The following KYAT1 variants were observed in gnomAD, a reference collection of about 807,000 sequenced individuals.
The protein encoded by KYAT1 is kynurenine--oxoglutarate transaminase 1.
A neutral mutation model predicts 52.4 loss-of-function variants in KYAT1; 47 were observed. The ratio of observed to expected loss-of-function variants is 0.90; its 90% CI spans 0.71 to 1.14. The LOEUF (loss-of-function observed/expected upper bound fraction) is 1.14, where lower values mean the gene tolerates loss of function less well. Among genes scored for constraint, KYAT1 ranks in the 50% most tolerant of loss-of-function variants. The pLI is 0.00. For synonymous variants in KYAT1, 212 were observed against 209.6 expected (o/e 1.01, Z -0.10); for missense variants, 480 against 557.9 (o/e 0.86, Z 1.41).
At chr9:128,879,425 T>C (rs1303448163) in intron 1 of KYAT1, among the ~76,000 whole-genome samples, 1 of 152,186 alleles carries the variant, frequency 6.6e-6, no homozygotes, top group Non-Finnish European at 1.5e-5. Context: ...TGAAGGCTCC[T>C]GCATTCCTTT....
In KYAT1 at chr9:128,836,726, C is replaced by T. The variant is rs780056625; in HGVS notation, c.688+76G>A. The stretch of plus-strand genomic sequence containing the variant: ...TAACCCTGGGTTCTAACTACCAGGC[C>T]TGCGCTGACTCTCAGGTGGGGTCAA... On this transcript the variant is annotated intron_variant, in intron 7 of 12. Transcript: ENST00000302586. 6 of 1,544,794 alleles carry T rather than the reference C, an allele frequency of 3.9e-6. No homozygotes were observed. In the East Asian group the frequency reaches 1.3e-4, roughly 35 times the overall value.
chr9:128,863,661 G>A (rs1281114335), intron 1 of KYAT1, among the ~76,000 whole-genome samples: 2 of 152,140 alleles, frequency 1.3e-5, no homozygotes, highest in East Asian at 1.9e-4. Context: ...CAGGGGGCAC[G>A]TAGGCTGCCT....
Position 128,842,642 on chromosome 9 carries a change from G to C in KYAT1, c.201+12C>G, listed in dbSNP as rs1417542049. 1.2e-6 allele frequency: 2 copies of C among 1,611,896 alleles called. No homozygotes were observed. Among genetic ancestry groups the C allele is most frequent in the South Asian group, 2.2e-5 (2 of 90,892 alleles). On this transcript the variant is annotated intron_variant, in intron 3 of 12. Coordinates refer to ENST00000302586, the MANE Select transcript of KYAT1 (RefSeq NM_004059.5). Reference sequence around the variant, plus strand: ...CTCCCCCAGTGCCTCCACGAGAGATGGGGAGACTCACAAATGTCTTGGTGT... The same window carrying C: ...CTCCCCCAGTGCCTCCACGAGAGATCGGGAGACTCACAAATGTCTTGGTGT...
At chr9:128,871,593 T>G (rs2130795155) in intron 1 of KYAT1, among the ~76,000 whole-genome samples, 1 of 152,050 alleles carries the variant, frequency 6.6e-6, no homozygotes, top group Admixed American at 6.6e-5. Context: ...ATGCCTGTGG[T>G]CCCAGCTACT....
At chr9:128,835,223 C>T in intron 11 of KYAT1, 100 bp downstream of exon 11, 1 of 929,604 alleles carries the variant, frequency 1.1e-6, no homozygotes, top group Non-Finnish European at 1.8e-6. Context: ...ACGGCAGAGG[C>T]TGGACTAAGA....
intron 1 of KYAT1, among the ~76,000 whole-genome samples, chr9:128,874,205 G>A (rs528348099): frequency 1.1e-3 from 163 of 151,076 alleles, no homozygotes; most frequent in African/African-American, 3.8e-3. Flanking sequence ...GCAGTGAGCC[G>A]AGATCACGCC....
intron 7 of KYAT1, 49 bp from the exon 8 acceptor site, chr9:128,836,122 G>C (rs371630175): frequency 6.4e-7 from 1 of 1,566,768 alleles, no homozygotes; most frequent in South Asian, 1.1e-5. Flanking sequence ...TGAGGGGGAC[G>C]GGGGAGGATG....
intron 1 of KYAT1, among the ~76,000 whole-genome samples, chr9:128,874,330 A>G (rs550275470): frequency 6.7e-6 from 1 of 150,102 alleles, no homozygotes; most frequent in South Asian, 2.2e-4. Context: ...ATACAGAATG[A>G]GCATTTCTTC....
chr9:128,857,703 G>A (rs1208644251), intron 1 of KYAT1, among the ~76,000 whole-genome samples: 3 of 152,168 alleles, frequency 2.0e-5, no homozygotes, highest in Non-Finnish European at 2.9e-5. Context: ...GGGCGTGGTG[G>A]TGGGCACCTG....
intron 1 of KYAT1, among the ~76,000 whole-genome samples, chr9:128,849,137 C>T (rs1389619666): frequency 6.6e-6 from 1 of 150,998 alleles, no homozygotes; most frequent in Non-Finnish European, 1.5e-5. Flanking sequence ...GGAGGCCAGG[C>T]ATGGTGGCTC....
At chr9:128,841,446 C>T (rs577904906) in intron 3 of KYAT1, among the ~76,000 whole-genome samples, 17 of 151,846 alleles carry the variant, frequency 1.1e-4, no homozygotes, top group South Asian at 2.1e-4. Flanking sequence ...GAGGCGGAGG[C>T]GGAGGCGGAG....
chr9:128,839,549 C>T (rs1381576103), intron 3 of KYAT1, among the ~76,000 whole-genome samples: 11 of 151,984 alleles, frequency 7.2e-5, no homozygotes, highest in Admixed American at 1.3e-4. Flanking sequence ...GGCGTGAACC[C>T]GGGAGGCGGA....
At chr9:128,862,749 C>T (rs559919367) in intron 1 of KYAT1, among the ~76,000 whole-genome samples, 9 of 152,302 alleles carry the variant, frequency 5.9e-5, no homozygotes, top group African/African-American at 1.7e-4. Context: ...GATCGGCTTC[C>T]ATTGCAGGGG....
intron 3 of KYAT1, among the ~76,000 whole-genome samples, chr9:128,840,122 G>A (rs1831875440): frequency 6.6e-6 from 1 of 151,918 alleles, no homozygotes; most frequent in Non-Finnish European, 1.5e-5. Flanking sequence ...GAAAAATATT[G>A]CAACATACAA....
At chr9:128,835,246 G>A in intron 11 of KYAT1, 77 bp downstream of exon 11, 3 of 1,170,784 alleles carry the variant, frequency 2.6e-6, no homozygotes, top group South Asian at 2.4e-5. Flanking sequence ...TAGCCCAGGA[G>A]CCTCTTGCCT....
At chr9:128,861,813 T>C (rs73669982) in intron 1 of KYAT1, among the ~76,000 whole-genome samples, 12,823 of 152,240 alleles carry the variant, frequency 0.084, 835 homozygotes, top group African/African-American at 0.18. Context: ...TGGGAGGCAC[T>C]CTGTGCCCTC....
At chr9:128,878,663 G>A (rs1838363925) in intron 1 of KYAT1, among the ~76,000 whole-genome samples, 1 of 152,160 alleles carries the variant, frequency 6.6e-6, no homozygotes, top group Admixed American at 6.6e-5. Context: ...GTCCCCCTGG[G>A]CTTAGGAATT....
At chr9:128,860,454 A>G (rs1164604459) in intron 1 of KYAT1, 1 of 152,140 alleles carries the variant, frequency 6.6e-6, no homozygotes, top group African/African-American at 2.4e-5. Context: ...CTGGCAAATC[A>G]TGATTCTCTG....
At position 128,836,864 on chromosome 9, in the gene KYAT1, A is replaced by G. The variant is rs1164740443; in HGVS notation, c.626T>C (p.Val209Ala). The G allele has an allele frequency of 5.0e-6, 8 of 1,613,832 alleles. No homozygotes were observed. Among genetic ancestry groups the G allele is most frequent in the Non-Finnish European group, 6.8e-6 (8 of 1,179,986 alleles). The change falls in exon 7 of 13, where the codon GTG becomes GCG. Residue 209 changes from valine (V) to alanine (A), a missense_variant. By Grantham distance (64) the Val-to-Ala change is moderately conservative. Transcript: ENST00000302586. ...CTGGTAGACTTCATCAGTGATACAC[A>G]CCACGTCATGCTGCTGGCAAAGGCT... ...VASLCQQHDV[V>A]CITDEVYQWM...
Sources: gnomAD v4.1 joint callset for allele counts (sites outside exome capture counted in the v4.1 genomes callset) on GRCh38, gnomAD v4.1.1 for gene constraint, MANE v1.5 for transcripts, NCBI Gene and HGNC (gene_info 2026-07-23, HGNC 2026-07-21) for gene names.